The following PTPRG variants were observed in gnomAD, a reference collection of about 807,000 sequenced individuals.
The protein encoded by PTPRG is protein tyrosine phosphatase receptor type G, also known as receptor-type tyrosine-protein phosphatase gamma.
Under a neutral mutation model 165.3 loss-of-function variants are expected in PTPRG, and 102 were observed. The ratio of observed to expected loss-of-function variants is 0.62; its 90% CI spans 0.53 to 0.73. The LOEUF (loss-of-function observed/expected upper bound fraction) is 0.73. Ranked by LOEUF, PTPRG falls within the 30% of genes least tolerant of loss-of-function variation. The pLI is 0.00. For synonymous variants in PTPRG, 675 were observed against 669.5 expected (o/e 1.01, Z -0.13); for missense variants, 1,866 against 1,861.4 (o/e 1.00, Z -0.05).
At chr3:61,589,523 C>T (rs1700515663) in intron 1 of PTPRG, among the ~76,000 whole-genome samples, 1 of 152,176 alleles carries the variant, frequency 6.6e-6, no homozygotes, top group Non-Finnish European at 1.5e-5. Context: ...AGTTACACAA[C>T]TGGCCAGTGG....
In PTPRG at chr3:62,183,389, C is replaced by T. The variant is rs545034287; in HGVS notation, c.1034-8080C>T. 4.2e-3 allele frequency among the ~76,000 whole-genome samples: 635 copies of T among 152,230 alleles called. 3 individuals are homozygous for T. Among genetic ancestry groups the T allele is most frequent in the African/African-American group, 0.015 (611 of 41,548 alleles). On this transcript the variant is annotated intron_variant, in intron 8 of 29. Coordinates refer to ENST00000474889, the MANE Select transcript of PTPRG (RefSeq NM_002841.4). Reference sequence around the variant, plus strand: ...GACCAGCCTGGCCAGCATGGCGAAACTCTGTCTCTACTAAAGATACCAAAA... The same window carrying T: ...GACCAGCCTGGCCAGCATGGCGAAATTCTGTCTCTACTAAAGATACCAAAA...
chr3:62,254,525 C>T lies in PTPRG; in HGVS notation c.2468-599C>T, dbSNP rs2106983434. Among the ~76,000 whole-genome samples, 1 of 152,190 alleles carries T rather than the reference C, an allele frequency of 6.6e-6. No individual in the cohort carries two copies. Among genetic ancestry groups the T allele is most frequent in the African/African-American group, 2.4e-5 (1 of 41,530 alleles). The stretch of plus-strand genomic sequence containing the variant: ...ACCAAAAAAATCCAGTTAATTCAGT[C>T]AAACTGATTATTTGGCATCATGTAG... On this transcript the variant is annotated intron_variant, in intron 15 of 29. Transcript: ENST00000474889. The surrounding 1 kb of genome is among the most constrained non-coding windows in gnomAD (Gnocchi z 4.6).
Position 62,129,950 on chromosome 3 carries a change from G to A in PTPRG, c.616-2652G>A, listed in dbSNP as rs939246671. 2.0e-5 allele frequency among the ~76,000 whole-genome samples: 3 copies of A among 152,126 alleles called. No individual in the cohort carries two copies. The South Asian group carries it at 6.2e-4, about 32-fold the overall frequency. ...AGACAAACCGTAAGCCAGATATATT[G>A]TTTCAAAAAACTACTGGTATCATAG... is the stretch of plus-strand genomic sequence containing the variant. On this transcript the variant is annotated intron_variant, in intron 5 of 29. Transcript: ENST00000474889.
chr3:61,563,815 C>CG (rs1325056995), intron 1 of PTPRG, among the ~76,000 whole-genome samples: 7 of 77,936 alleles, frequency 9.0e-5, no homozygotes, highest in Non-Finnish European at 2.1e-4. Context: ...CTTGGGGATC[C>CG]CCTCGGGGGA....
chr3:61,753,000 C>A (rs61627784), intron 2 of PTPRG, among the ~76,000 whole-genome samples: 1,875 of 152,134 alleles, frequency 0.012, 14 homozygotes, highest in African/African-American at 0.023. Context: ...ATAGGCCTAT[C>A]AAACAATGCC....
intron 1 of PTPRG, chr3:61,739,292 T>G (rs560099193): frequency 6.6e-6 from 1 of 152,228 alleles, no homozygotes; most frequent in East Asian, 1.9e-4. Flanking sequence ...GAAAAATCAC[T>G]CTACATTTTA....
intron 1 of PTPRG, among the ~76,000 whole-genome samples, chr3:61,649,667 A>G (rs1445457918): frequency 1.3e-5 from 2 of 152,228 alleles, no homozygotes; most frequent in African/African-American, 2.4e-5. Context: ...AAATCACAGC[A>G]GGGCTAAATC....
At position 61,992,941 on chromosome 3, in the gene PTPRG, A is replaced by G. The variant is rs149479113; in HGVS notation, c.370+3137A>G. Among the ~76,000 whole-genome samples the G allele has an allele frequency of 7.0e-3, 1,066 of 152,330 alleles. 17 individuals are homozygous for G. The highest frequency in any genetic ancestry group is 0.025 in the African/African-American group (1,019 of 41,578). On this transcript the variant is annotated intron_variant, in intron 3 of 29. Transcript: ENST00000474889. Reference sequence around the variant, plus strand: ...CTCAGCCTCCCAAAATGCTAGGATTACAGGCATGAGCCACCATGCTTGGCT... The same window carrying G: ...CTCAGCCTCCCAAAATGCTAGGATTGCAGGCATGAGCCACCATGCTTGGCT...
chr3:61,810,341 G>A (rs138060695), intron 2 of PTPRG, among the ~76,000 whole-genome samples: 19 of 152,276 alleles, frequency 1.2e-4, no homozygotes, highest in African/African-American at 4.6e-4. Flanking sequence ...GTGCAGGACT[G>A]AAAGTATTGA....
intron 6 of PTPRG, among the ~76,000 whole-genome samples, chr3:62,155,685 A>T (rs894214829): frequency 6.6e-6 from 1 of 152,218 alleles, no homozygotes; most frequent in Admixed American, 6.5e-5. Flanking sequence ...TGCAATTTTA[A>T]TTATAATATA....
At chr3:62,251,239 G>A (rs1425330502) in intron 15 of PTPRG, among the ~76,000 whole-genome samples, 1 of 152,174 alleles carries the variant, frequency 6.6e-6, no homozygotes, top group Non-Finnish European at 1.5e-5. Context: ...AAAAATATAA[G>A]CCAGGTGTGG....
chr3:61,748,808 T>TA, intron 1 of PTPRG, 70 bp from the exon 2 acceptor site: 2 of 1,267,884 alleles, frequency 1.6e-6, no homozygotes, highest in Admixed American at 3.5e-5. Context: ...CCAATGGTGT[T>TA]CATTTGACAC....
intron 2 of PTPRG, among the ~76,000 whole-genome samples, chr3:61,795,639 C>CA (rs145136197): frequency 0.01 from 620 of 59,438 alleles, 35 homozygotes; most frequent in South Asian, 0.018. Context: ...GACTCCGTCT[C>CA]AAAAAAAAAA....
rs114496952 is a variant in PTPRG at position 62,150,494 on chromosome 3, T to A, written c.683-6573T>A. ...ATTTTAACAAGCTTCCCAGATGATT[T>A]GCCTGCACATTGAAGTTTAAGTGGC... On this transcript the variant is annotated intron_variant, in intron 6 of 29. Transcript: ENST00000474889. 3.9e-3 allele frequency among the ~76,000 whole-genome samples: 594 copies of A among 152,318 alleles called. 3 individuals are homozygous for A. The highest frequency in any genetic ancestry group is 6.0e-3 in the Non-Finnish European group (409 of 68,018).
At chr3:61,777,104 G>A (rs1322744937) in intron 2 of PTPRG, among the ~76,000 whole-genome samples, 1 of 152,102 alleles carries the variant, frequency 6.6e-6, no homozygotes, top group African/African-American at 2.4e-5. Flanking sequence ...TGTGTCTCTG[G>A]AATATCAGAA....
In PTPRG at chr3:61,638,591, G is replaced by GTTTTTTTTTTTTTTT. The variant is rs34396141; in HGVS notation, c.85+76232_85+76246dup. ...AGGCACACACCACCATGCCTGGCTA[G>GTTTTTTTTTTTTTTT]TTTTTTTTTTTTTTTTTTTTTTTTT... On this transcript the variant is annotated intron_variant, in intron 1 of 29. Transcript: ENST00000474889. Among the ~76,000 whole-genome samples, 7 of 58,702 alleles carry GTTTTTTTTTTTTTTT rather than the reference G, an allele frequency of 1.2e-4. 1 individual carries two copies. Among genetic ancestry groups the GTTTTTTTTTTTTTTT allele is most frequent in the African/African-American group, 3.3e-4 (5 of 15,292 alleles). 38.5% of individuals were successfully genotyped at this position (58,702 alleles called of 152,430 possible).
chr3:62,272,457 T>G (rs1180329536), intron 21 of PTPRG, among the ~76,000 whole-genome samples: 1 of 152,224 alleles, frequency 6.6e-6, no homozygotes, highest in African/African-American at 2.4e-5. Flanking sequence ...TCTTTTTTGT[T>G]TGTTTTAAAC....
Position 62,078,184 on chromosome 3 carries a change from C to A in PTPRG, c.541C>A (p.Pro181Thr). ...PVEMQIFFYN[P>T]DDFDSFQTAI... ...ACAGATGCAGATTTTCTTTTACAAT[C>A]CAGATGACTTTGACAGCTTTCAAAC... Residue 181 changes from proline to threonine, a missense_variant, in exon 5 of 30, where the codon CCA becomes ACA. This residue lies in a region of PTPRG where 408 missense variants were observed against 376.2 expected (regional missense o/e 1.08). Coordinates refer to ENST00000474889, the MANE Select transcript of PTPRG (RefSeq NM_002841.4). 2 of 1,605,034 alleles carry A rather than the reference C, an allele frequency of 1.2e-6. No homozygotes were observed. The highest frequency in any genetic ancestry group is 1.1e-5 in the South Asian group (1 of 88,882).
chr3:61,947,457 T>C (rs2039787695), intron 2 of PTPRG, among the ~76,000 whole-genome samples: 1 of 152,200 alleles, frequency 6.6e-6, no homozygotes, highest in South Asian at 2.1e-4. Context: ...GCACAGAGTA[T>C]GCAGTGAAGG....
Sources: allele counts gnomAD v4.1 joint callset (sites outside exome capture counted in the v4.1 genomes callset), GRCh38; gene constraint gnomAD v4.1.1; regional missense constraint gnomAD v4.1.1; non-coding constraint Gnocchi (gnomAD v3.1); transcripts MANE v1.5; gene names NCBI Gene and HGNC (gene_info 2026-07-23, HGNC 2026-07-21).